The following KIFC3 variants were observed in gnomAD, a reference collection of about 807,000 sequenced individuals.
The protein encoded by KIFC3 is kinesin family member C3.
Under a neutral mutation model 101.8 loss-of-function variants are expected in KIFC3, and 60 were observed. That is an observed-to-expected ratio of 0.59 (90% CI 0.48 to 0.73). The LOEUF (loss-of-function observed/expected upper bound fraction) is 0.73. KIFC3 is among the 30% of genes least tolerant of loss of function. The pLI is 0.00. For synonymous variants in KIFC3, 476 were observed against 482.7 expected (o/e 0.99, Z 0.18); for missense variants, 966 against 1,137.1 (o/e 0.85, Z 2.16).
chr16:57,773,752 G>T (rs956281348), intron 3 of KIFC3: 1 of 152,238 alleles, frequency 6.6e-6, no homozygotes, highest in African/African-American at 2.4e-5. Flanking sequence ...TTTTGGGGGT[G>T]TGTGTAAAAT....
At chr16:57,822,228 A>G (rs9924215) in intron 1 of KIFC3, among the ~76,000 whole-genome samples, 75,447 of 151,648 alleles carry the variant, frequency 0.5, 20,033 homozygotes, top group African/African-American at 0.68. Flanking sequence ...AAGCCTCTTA[A>G]CCTCTCTGAG....
At chr16:57,803,658 G>A (rs2054860807), upstream of KIFC3, among the ~76,000 whole-genome samples, 1 of 152,258 alleles carries the variant, frequency 6.6e-6, no homozygotes, top group Non-Finnish European at 1.5e-5. Flanking sequence ...GGACGCCAGA[G>A]CAGGACAGTC....
chr16:57,770,944 A>C (rs2051101542), intron 6 of KIFC3, among the ~76,000 whole-genome samples: 1 of 152,202 alleles, frequency 6.6e-6, no homozygotes, highest in Admixed American at 6.5e-5. Flanking sequence ...ACAGACAAGA[A>C]AGGCAAAAAG....
At chr16:57,762,345 C>T (rs1219977948) in intron 12 of KIFC3, 75 bp from the exon 13 acceptor site, 1 of 1,371,568 alleles carries the variant, frequency 7.3e-7, no homozygotes. Flanking sequence ...GTCCCCAAAG[C>T]CCCTTGACTA....
intron 1 of KIFC3, among the ~76,000 whole-genome samples, chr16:57,819,646 C>T (rs1021872922): frequency 2.4e-4 from 37 of 152,062 alleles, no homozygotes; most frequent in East Asian, 7.7e-4. Context: ...CTGCAGCCTC[C>T]GCCTCCCAGG....
chr16:57,814,210 C>A (rs371760785), intron 1 of KIFC3, among the ~76,000 whole-genome samples: 1 of 152,140 alleles, frequency 6.6e-6, no homozygotes, highest in Non-Finnish European at 1.5e-5. Flanking sequence ...TCCACCCACA[C>A]CCCCATATCC....
intron 1 of KIFC3, among the ~76,000 whole-genome samples, chr16:57,839,669 A>T (rs1326734346): frequency 6.6e-6 from 1 of 152,166 alleles, no homozygotes; most frequent in Admixed American, 6.6e-5. Context: ...AATTTCATTG[A>T]AATTTATCCT....
chr16:57,856,148 A>G (rs1313247307), intron 1 of KIFC3, among the ~76,000 whole-genome samples: 1 of 151,374 alleles, frequency 6.6e-6, no homozygotes, highest in Non-Finnish European at 1.5e-5. Context: ...ACATAGCAAG[A>G]CCCTGTCTGT....
At chr16:57,849,533 G>A (rs761642263) in intron 1 of KIFC3, among the ~76,000 whole-genome samples, 1 of 152,110 alleles carries the variant, frequency 6.6e-6, no homozygotes, top group South Asian at 2.1e-4. Flanking sequence ...CTACAGAGTT[G>A]GTGCCCTTTG....
In KIFC3 at chr16:57,830,236, C is replaced by CTTT. The variant is rs34842791; in HGVS notation, c.109-31957_109-31955dup. ...GACTGTTTTCCTTTCTTTTTTCTTT[C>CTTT]TTTTTTTTTTTTTTTTTTTGAGATG... On this transcript the variant is annotated intron_variant, in intron 1 of 2. Transcript: ENST00000563028. Among the ~76,000 whole-genome samples the CTTT allele has an allele frequency of 7.8e-4, 93 of 119,296 alleles. 1 individual carries two copies. The highest frequency in any genetic ancestry group is 7.4e-4 in the Non-Finnish European group (42 of 57,006). The allele number at this position is 119,296 out of a possible 152,430, so 78.3% of individuals were successfully genotyped here.
intron 13 of KIFC3, among the ~76,000 whole-genome samples, 175 bp from the exon 14 acceptor site, chr16:57,761,711 A>C (rs1292509314): frequency 6.6e-6 from 1 of 151,538 alleles, no homozygotes; most frequent in Non-Finnish European, 1.5e-5. Flanking sequence ...AGACGTGGAG[A>C]TCTCACTCCA....
intron 2 of KIFC3, among the ~76,000 whole-genome samples, chr16:57,796,709 G>A (rs1245452504): frequency 1.3e-5 from 2 of 152,140 alleles, no homozygotes; most frequent in African/African-American, 4.8e-5. Flanking sequence ...AGGTTAGAAA[G>A]CTGAGATAAC....
chr16:57,811,852 T>C (rs1180040012), intron 1 of KIFC3, among the ~76,000 whole-genome samples: 2 of 148,780 alleles, frequency 1.3e-5, no homozygotes, highest in Non-Finnish European at 3.0e-5. Flanking sequence ...GAGGCAGAGG[T>C]TGCAGTGAGC....
At position 57,773,388 on chromosome 16, in the gene KIFC3, G is replaced by A. The variant is rs1351561552; in HGVS notation, c.316-1100C>T. 3.3e-5 allele frequency among the ~76,000 whole-genome samples: 5 copies of A among 152,284 alleles called. No individual in the cohort carries two copies. The East Asian group carries it at 7.7e-4, about 24-fold the overall frequency. ...AAGGCGGCCACCACGTACTCTCCTC[G>A]GACGACAGGAGGTGAGAACGCACAC... On this transcript the variant is annotated intron_variant, in intron 3 of 19. Coordinates refer to ENST00000445690, the MANE Select transcript of KIFC3 (RefSeq NM_001130100.2).
intron 1 of KIFC3, among the ~76,000 whole-genome samples, chr16:57,854,280 C>T (rs1316000852): frequency 9.2e-5 from 14 of 152,162 alleles, no homozygotes; most frequent in East Asian, 1.9e-4. Context: ...AACTCAACTA[C>T]GTGATGTCTA....
intron 1 of KIFC3, among the ~76,000 whole-genome samples, chr16:57,850,474 T>G (rs866654459): frequency 1.2e-4 from 16 of 134,768 alleles, no homozygotes; most frequent in East Asian, 8.3e-4. Flanking sequence ...GGTTTTTTTT[T>G]TTTTTTTTTT....
chr16:57,856,534 AAAAGAAAGAAGAAAGAAAAAAAG>A (rs2056172576), intron 1 of KIFC3, among the ~76,000 whole-genome samples: 1 of 151,908 alleles, frequency 6.6e-6, no homozygotes, highest in African/African-American at 2.4e-5. Flanking sequence ...AAAAGAAAGA[AAAAGAAAGAAGAAAGAAAAAAAG>A]AAAGAAAGAA....
intron 9 of KIFC3, among the ~76,000 whole-genome samples, chr16:57,768,608 G>A (rs1159035699): frequency 6.6e-6 from 1 of 151,870 alleles, no homozygotes; most frequent in African/African-American, 2.4e-5. Context: ...GAGTTGGGTG[G>A]GTGGCAGAGA....
chr16:57,760,528 G>A (rs1226770570), intron 16 of KIFC3, 112 bp from the exon 17 acceptor site: 2 of 1,233,500 alleles, frequency 1.6e-6, no homozygotes, highest in African/African-American at 3.0e-5. Context: ...AGGCCTGAGG[G>A]ATGGGGTGGG....
Sources: allele counts gnomAD v4.1 joint callset (sites outside exome capture counted in the v4.1 genomes callset), GRCh38; gene constraint gnomAD v4.1.1; transcripts MANE v1.5; gene names NCBI Gene and HGNC (gene_info 2026-07-23, HGNC 2026-07-21).